CTNND2: variants seen among roughly 807,000 people sequenced by gnomAD.
CTNND2 encodes the protein catenin delta 2, also known as catenin delta-2.
Under a neutral mutation model 144.4 loss-of-function variants are expected in CTNND2, and 22 were observed. The observed-to-expected ratio is 0.15, with a 90% confidence interval of 0.11 to 0.22. The LOEUF is 0.22. Ranked by LOEUF, CTNND2 falls within the 10% of genes least tolerant of loss-of-function variation. The probability of loss-of-function intolerance (pLI) is 1.00; values close to 1 mark genes in which losing one functional copy is unlikely to be tolerated. For synonymous variants in CTNND2, 751 were observed against 695.6 expected (o/e 1.08, Z -1.25); for missense variants, 1,353 against 1,618.8 (o/e 0.84, Z 2.82).
chr5:11,023,074 G>A (rs962910719), intron 16 of CTNND2, 95 bp from the exon 17 acceptor site: 1 of 1,113,100 alleles, frequency 9.0e-7, no homozygotes, highest in Non-Finnish European at 1.3e-6. Context: ...GAATACGAGA[G>A]GCCACGTTTA....
At chr5:11,369,167 G>T (rs715126) in intron 7 of CTNND2, among the ~76,000 whole-genome samples, 63,796 of 151,930 alleles carry the variant, frequency 0.42, 13,769 homozygotes, top group Non-Finnish European at 0.47. Flanking sequence ...AAAAATGTGT[G>T]CTTTCTAATG....
At chr5:11,320,344 C>T (rs1751910390) in intron 9 of CTNND2, among the ~76,000 whole-genome samples, 1 of 152,030 alleles carries the variant, frequency 6.6e-6, no homozygotes, top group Non-Finnish European at 1.5e-5. Context: ...CACTAGGTTT[C>T]TTGTTTATCT....
chr5:11,717,851 T>C (rs1403096570), intron 2 of CTNND2, among the ~76,000 whole-genome samples: 1 of 152,160 alleles, frequency 6.6e-6, no homozygotes, highest in Non-Finnish European at 1.5e-5. Flanking sequence ...CTGGCCCCAC[T>C]CTTGACATCT....
At chr5:11,552,485 A>G (rs1775849157) in intron 3 of CTNND2, among the ~76,000 whole-genome samples, 1 of 152,230 alleles carries the variant, frequency 6.6e-6, no homozygotes, top group Non-Finnish European at 1.5e-5. Context: ...TTTTTACTAA[A>G]GTTCAATTAA....
chr5:11,156,632 A>T, intron 12 of CTNND2, among the ~76,000 whole-genome samples: 1 of 152,244 alleles, frequency 6.6e-6, no homozygotes, highest in Admixed American at 6.5e-5. Context: ...CAATGTCAAC[A>T]TTATTATCTA....
intron 6 of CTNND2, among the ~76,000 whole-genome samples, chr5:11,387,058 A>C (rs996351699): frequency 2.6e-5 from 4 of 151,946 alleles, no homozygotes; most frequent in Admixed American, 6.6e-5. Flanking sequence ...GGGTGCTTTT[A>C]AAAAAAATCT....
intron 3 of CTNND2, among the ~76,000 whole-genome samples, chr5:11,485,345 CTGTGTGTGTGTG>C (rs375624492): frequency 5.4e-5 from 8 of 148,736 alleles, no homozygotes; most frequent in Admixed American, 2.7e-4. Flanking sequence ...GAGACAGAGA[CTGTGTGTGTGTG>C]TGTGTGTGTG....
intron 3 of CTNND2, among the ~76,000 whole-genome samples, chr5:11,502,010 A>G (rs1405611301): frequency 2.1e-5 from 3 of 140,998 alleles, no homozygotes; most frequent in African/African-American, 5.3e-5. Context: ...CCTGGGTGAC[A>G]GAGCGAGACT....
intron 16 of CTNND2, among the ~76,000 whole-genome samples, chr5:11,045,374 G>A (rs72729263): frequency 6.6e-6 from 1 of 152,066 alleles, no homozygotes; most frequent in Non-Finnish European, 1.5e-5. Context: ...CAAGAGGGAG[G>A]GGGGGAAGGT....
intron 3 of CTNND2, among the ~76,000 whole-genome samples, chr5:11,539,429 C>T (rs1044288032): frequency 1.3e-5 from 2 of 152,206 alleles, no homozygotes; most frequent in Admixed American, 1.3e-4. Flanking sequence ...GCTCTCAGCC[C>T]TAATTAAGTG....
intron 2 of CTNND2, among the ~76,000 whole-genome samples, chr5:11,640,355 T>C (rs902079941): frequency 1.3e-5 from 2 of 152,208 alleles, no homozygotes; most frequent in Non-Finnish European, 2.9e-5. Flanking sequence ...ACTGAATGAA[T>C]AGAATCGCCT....
At chr5:11,358,419 T>C (rs1756121018) in intron 8 of CTNND2, among the ~76,000 whole-genome samples, 1 of 152,222 alleles carries the variant, frequency 6.6e-6, no homozygotes, top group Non-Finnish European at 1.5e-5. Flanking sequence ...ATAAAATTTC[T>C]AACTGGGTAA....
chr5:11,168,823 GAA>G (rs1464783726), intron 11 of CTNND2, among the ~76,000 whole-genome samples: 1 of 151,898 alleles, frequency 6.6e-6, no homozygotes, highest in African/African-American at 2.4e-5. Flanking sequence ...AGGAGAGAGA[GAA>G]AGTGAAAGAG....
At chr5:11,333,833 T>A (rs1753453437) in intron 9 of CTNND2, among the ~76,000 whole-genome samples, 1 of 152,106 alleles carries the variant, frequency 6.6e-6, no homozygotes, top group South Asian at 2.1e-4. Context: ...TCAGCCTGGC[T>A]CCCTTACCTT....
chr5:11,136,296 T>C (rs945933740), intron 12 of CTNND2, among the ~76,000 whole-genome samples: 1 of 152,222 alleles, frequency 6.6e-6, no homozygotes, highest in Non-Finnish European at 1.5e-5. Context: ...TGTTTTTTAG[T>C]TCTGAATTTT....
chr5:11,305,340 G>C (rs1750080326), intron 9 of CTNND2, among the ~76,000 whole-genome samples: 2 of 152,148 alleles, frequency 1.3e-5, no homozygotes, highest in South Asian at 4.1e-4. Flanking sequence ...GCTTCTAACT[G>C]CTGCGCTCTG....
chr5:11,473,342 G>A (rs1767408892), intron 3 of CTNND2, among the ~76,000 whole-genome samples: 1 of 152,114 alleles, frequency 6.6e-6, no homozygotes, highest in African/African-American at 2.4e-5. Context: ...CCCACTCCTG[G>A]CATTGAATGT....
intron 16 of CTNND2, among the ~76,000 whole-genome samples, chr5:11,032,333 G>C (rs1398557049): frequency 6.6e-6 from 1 of 152,162 alleles, no homozygotes; most frequent in Non-Finnish European, 1.5e-5. Flanking sequence ...TACAATGCTG[G>C]AATGTTTTGT....
chr5:11,310,041 A>T (rs945786743), intron 9 of CTNND2, among the ~76,000 whole-genome samples: 6 of 152,106 alleles, frequency 3.9e-5, no homozygotes, highest in Non-Finnish European at 5.9e-5. Context: ...TCTTTGCTTT[A>T]TAAGTTACTC....
Sources: allele counts gnomAD v4.1 joint callset (sites outside exome capture counted in the v4.1 genomes callset), GRCh38; gene constraint gnomAD v4.1.1; transcripts MANE v1.5; gene names NCBI Gene and HGNC (gene_info 2026-07-23, HGNC 2026-07-21).